SLC9A3: variants seen among roughly 807,000 people sequenced by gnomAD.
The protein encoded by SLC9A3 is sodium/hydrogen exchanger 3.
In SLC9A3, 37 loss-of-function variants were observed where a neutral mutation model predicts 86.8. The observed-to-expected ratio is 0.43, with a 90% CI of 0.33 to 0.56. SLC9A3 has a LOEUF of 0.56. Ranked by LOEUF, SLC9A3 falls within the 20% of genes least tolerant of loss-of-function variation. SLC9A3 has a pLI of 0.06. For missense variants in SLC9A3, 1,011 were observed against 1,171.9 expected (o/e 0.86, Z 2.00); for synonymous variants, 581 against 528.3 (o/e 1.10, Z -1.37).
chr5:473,614 G>C (rs1289771305), intron 16 of SLC9A3, among the ~76,000 whole-genome samples: 1 of 152,112 alleles, frequency 6.6e-6, no homozygotes, highest in Admixed American at 6.5e-5. Flanking sequence ...CCCCGCCGGG[G>C]GTCCCGGGAC....
intron 1 of SLC9A3, among the ~76,000 whole-genome samples, chr5:519,792 T>A (rs916625631): frequency 3.4e-5 from 5 of 147,798 alleles, no homozygotes. Flanking sequence ...AGAAAAGCAT[T>A]CCCACACTCC....
chr5:473,431 C>A, intron 16 of SLC9A3, 49 bp from the exon 17 acceptor site: 1 of 1,339,908 alleles, frequency 7.5e-7, no homozygotes, highest in Non-Finnish European at 9.6e-7. Context: ...GGCGCTGGGG[C>A]GGGAGGGGCG....
Position 470,503 on chromosome 5 carries a change from C to G in SLC9A3, c.*2876G>C, listed in dbSNP as rs971669904. 1 of 152,358 alleles carries G rather than the reference C, an allele frequency of 6.6e-6. No homozygotes were observed. Among genetic ancestry groups the G allele is most frequent in the Non-Finnish European group, 1.5e-5 (1 of 68,036 alleles). The allele number at this position is 152,358 out of a possible 1,614,324, so 9.4% of individuals were successfully genotyped here. ...TTCTCTTTTATAAACAAAGTTTGCA[C>G]CCAAAATGCCTTGAAATGTTTTTAA... On this transcript the variant is annotated 3_prime_UTR_variant, in exon 17 of 17. Transcript: ENST00000264938.
chr5:501,742 G>C (rs1294048076), intron 1 of SLC9A3, among the ~76,000 whole-genome samples: 1 of 152,260 alleles, frequency 6.6e-6, no homozygotes, highest in Non-Finnish European at 1.5e-5. Flanking sequence ...CACCGGCGAG[G>C]AATCACGGTA....
intron 1 of SLC9A3, among the ~76,000 whole-genome samples, chr5:509,634 C>T (rs1251430837): frequency 1.3e-5 from 2 of 152,156 alleles, no homozygotes; most frequent in African/African-American, 4.8e-5. Flanking sequence ...TCACCACAGC[C>T]ATTCCCAAAA....
intron 1 of SLC9A3, among the ~76,000 whole-genome samples, chr5:515,005 C>T (rs1733681411): frequency 6.6e-6 from 1 of 152,180 alleles, no homozygotes; most frequent in Admixed American, 6.5e-5. Flanking sequence ...AGCACAAAGC[C>T]CTCGGGGATG....
chr5:490,660 G>A (rs1475487174), intron 2 of SLC9A3, among the ~76,000 whole-genome samples: 1 of 152,224 alleles, frequency 6.6e-6, no homozygotes, highest in African/African-American at 2.4e-5. Context: ...GGCAAGGTAG[G>A]TGTGAGCCTC....
At chr5:479,669 T>A (rs751155305) in intron 10 of SLC9A3, 167 bp downstream of exon 10, 1 of 637,578 alleles carries the variant, frequency 1.6e-6, no homozygotes, top group African/African-American at 1.8e-5. Flanking sequence ...CGAGAGCCCC[T>A]GGGATTCCCA....
Position 491,051 on chromosome 5 carries a change from G to A in SLC9A3, c.514+718C>T, listed in dbSNP as rs773451723. ...GACGGAAAATCGCCAATTCTTGTGA[G>A]TCTGGTTCAGCTGGTGGATTTGTTT... On this transcript the variant is annotated intron_variant, in intron 2 of 16. Transcript: ENST00000264938. This position sits in a 1 kb window ranked among gnomAD's most constrained non-coding sequence, Gnocchi z 9.2. Among the ~76,000 whole-genome samples the A allele has an allele frequency of 2.0e-5, 3 of 152,216 alleles. No homozygotes were observed. Among genetic ancestry groups the A allele is most frequent in the Non-Finnish European group, 4.4e-5 (3 of 68,034 alleles).
intron 4 of SLC9A3, 118 bp downstream of exon 4, chr5:485,035 G>T (rs745462031): frequency 3.2e-5 from 25 of 779,008 alleles, no homozygotes; most frequent in Non-Finnish European, 4.6e-5. Flanking sequence ...TGGACAGAAG[G>T]GCCCAGTGTA....
intron 11 of SLC9A3, 70 bp downstream of exon 11, chr5:477,262 C>T (rs1738807615): frequency 8.8e-7 from 1 of 1,130,584 alleles, no homozygotes; most frequent in Non-Finnish European, 1.3e-6. Context: ...CCACCACAGC[C>T]CTGTCTGTGA....
intron 2 of SLC9A3, among the ~76,000 whole-genome samples, chr5:490,446 A>C (rs1437340872): frequency 1.3e-5 from 2 of 152,308 alleles, no homozygotes; most frequent in East Asian, 3.9e-4. Flanking sequence ...AGTTGCACCG[A>C]GGACATTCTG....
chr5:492,416 C>T (rs1739817825), intron 1 of SLC9A3, among the ~76,000 whole-genome samples: 1 of 62,846 alleles, frequency 1.6e-5, no homozygotes, highest in Non-Finnish European at 3.1e-5. Context: ...CGGGGTGGGA[C>T]CTGCGGGGGA....
In SLC9A3 at chr5:475,054, G is replaced by T; in HGVS notation, c.2330C>A (p.Pro777His). 6.2e-7 allele frequency: 1 copy of T among 1,612,276 alleles called. No homozygotes were observed. The highest frequency in any genetic ancestry group is 8.5e-7 in the Non-Finnish European group (1 of 1,179,724). ...LLARLPPWLS[P>H]GETVVPSQRA... ...CTGCGAGGGGACCACCGTCTCCCCG[G>T]GAGACAGCCAGGGCGGCAGCCTGGC... Residue 777 changes from proline to histidine, a missense_variant, in exon 16 of 17, where the codon CCC (proline) becomes CAC (histidine). Coordinates refer to ENST00000264938, the MANE Select transcript of SLC9A3 (RefSeq NM_004174.4).
chr5:522,779 C>G (rs186252254), intron 1 of SLC9A3, among the ~76,000 whole-genome samples: 1 of 151,744 alleles, frequency 6.6e-6, no homozygotes, highest in African/African-American at 2.4e-5. Flanking sequence ...ATTACCTTTT[C>G]AGTTTACACC....
chr5:520,588 A>G (rs1377707428), intron 1 of SLC9A3, among the ~76,000 whole-genome samples: 1 of 152,018 alleles, frequency 6.6e-6, no homozygotes, highest in Non-Finnish European at 1.5e-5. Flanking sequence ...ATGGCCAGGC[A>G]GTCGTCTGAG....
At position 483,494 on chromosome 5, in the gene SLC9A3, G is replaced by C. The variant is rs1296079719; in HGVS notation, c.933-12C>G. 1 of 1,555,732 alleles carries C rather than the reference G, an allele frequency of 6.4e-7. No individual in the cohort carries two copies. Among genetic ancestry groups the C allele is most frequent in the South Asian group, 1.2e-5 (1 of 84,750 alleles). ...CACAGAAGGTGATGCTGCAGGGACA[G>C]ACGCGCCTCAGGACACGGCCACCTG... On this transcript the variant is annotated splice_polypyrimidine_tract_variant and intron_variant, in intron 5 of 16. Coordinates refer to ENST00000264938, the MANE Select transcript of SLC9A3 (RefSeq NM_004174.4).
At chr5:519,561 C>G (rs972899664) in intron 1 of SLC9A3, among the ~76,000 whole-genome samples, 2 of 152,210 alleles carry the variant, frequency 1.3e-5, no homozygotes, top group Admixed American at 6.5e-5. Flanking sequence ...GTGTCACACC[C>G]CCAGTGGCGG....
At position 474,883 on chromosome 5, in the gene SLC9A3, A is replaced by G; in HGVS notation, c.2501T>C (p.Met834Thr). The change falls in exon 16 of 17, where the codon ATG becomes ACG. Residue 834 changes from methionine to threonine, a missense_variant and splice_region_variant. This residue lies in a region of SLC9A3 where 397 missense variants were observed against 346.3 expected (regional missense o/e 1.15). Transcript: ENST00000264938. ...GCGGCGGGAGGCCCGGGAGCGTTAC[A>G]TGTGTGTGGACTCGGGGAGGGCGGC... ...PPAALPESTH[M>T] 6.4e-7 allele frequency: 1 copy of G among 1,573,348 alleles called. No individual in the cohort carries two copies. Among genetic ancestry groups the G allele is most frequent in the Non-Finnish European group, 8.6e-7 (1 of 1,158,674 alleles).
Sources: gnomAD v4.1 joint callset for allele counts (sites outside exome capture counted in the v4.1 genomes callset) on GRCh38, gnomAD v4.1.1 for gene constraint, gnomAD v4.1.1 regional missense constraint, Gnocchi (gnomAD v3.1) non-coding constraint, MANE v1.5 for transcripts, NCBI Gene and HGNC (gene_info 2026-07-23, HGNC 2026-07-21) for gene names.